LRRC37A2: variants seen among roughly 807,000 people sequenced by gnomAD.
LRRC37A2 encodes the protein leucine rich repeat containing 37 member A2, also known as leucine-rich repeat-containing protein 37A2.
A neutral mutation model predicts 68.8 loss-of-function variants in LRRC37A2; 9 were observed. That is an observed-to-expected ratio of 0.13 (90% CI 0.08 to 0.23). The LOEUF (loss-of-function observed/expected upper bound fraction) is 0.23. Ranked by LOEUF, LRRC37A2 falls within the 10% of genes least tolerant of loss-of-function variation. The pLI is 1.00. For missense variants in LRRC37A2, 168 were observed against 950.4 expected (o/e 0.18, Z 10.82); for synonymous variants, 63 against 367.6 (o/e 0.17, Z 9.48).
At chr17:46,553,186 G>C (rs2056974376) in intron 11 of LRRC37A2, 1 of 821,676 alleles carries the variant, frequency 1.2e-6, no homozygotes, top group Admixed American at 6.5e-5. Context: ...GTATGGTGTG[G>C]GGGCGGTATC....
the LRRC37A2 span, chr17:46,949,133 T>C: frequency 6.6e-6 from 1 of 152,208 alleles, no homozygotes; most frequent in Non-Finnish European, 1.5e-5. Context: ...GTGGCTGGGA[T>C]AGCTGTCTCT....
At chr17:46,861,628 C>T in the LRRC37A2 span, among the ~76,000 whole-genome samples, 1 of 152,216 alleles carries the variant, frequency 6.6e-6, no homozygotes, top group East Asian at 1.9e-4. Flanking sequence ...ATGCTGGTAG[C>T]AGCAGACATG....
At chr17:46,821,405 G>GC in the LRRC37A2 span, among the ~76,000 whole-genome samples, 2 of 152,190 alleles carry the variant, frequency 1.3e-5, no homozygotes, top group East Asian at 3.9e-4. Context: ...CCCTTGCGCT[G>GC]CCGCGGGTGG....
the LRRC37A2 span, chr17:46,876,395 G>T: frequency 2.5e-6 from 4 of 1,613,924 alleles, no homozygotes; most frequent in Non-Finnish European, 2.5e-6. Context: ...GGTGTCCAGT[G>T]CCACCAATGA....
At chr17:46,978,689 G>A in the LRRC37A2 span, 3 of 1,610,922 alleles carry the variant, frequency 1.9e-6, no homozygotes, top group Admixed American at 1.7e-5. Flanking sequence ...TTGGAGGGCC[G>A]GCGCTCCTGC....
chr17:46,569,320 T>C, the LRRC37A2 span, among the ~76,000 whole-genome samples: 2 of 149,810 alleles, frequency 1.3e-5, no homozygotes, highest in Non-Finnish European at 3.0e-5. Context: ...TATTATTAAT[T>C]TTGGAGATGT....
chr17:46,728,899 G>A, the LRRC37A2 span: 7 of 1,607,874 alleles, frequency 4.4e-6, no homozygotes, highest in Non-Finnish European at 5.9e-6. Flanking sequence ...TGTATTACAG[G>A]CTCTTCTCGT....
the LRRC37A2 span, among the ~76,000 whole-genome samples, chr17:46,745,385 G>T: frequency 6.6e-6 from 1 of 152,194 alleles, no homozygotes; most frequent in Non-Finnish European, 1.5e-5. Flanking sequence ...ACTTGCCTGG[G>T]TCATGACCTC....
At chr17:46,679,004 A>G in the LRRC37A2 span, among the ~76,000 whole-genome samples, 3 of 151,722 alleles carry the variant, frequency 2.0e-5, no homozygotes, top group Non-Finnish European at 2.9e-5. Context: ...CAAATAAATT[A>G]TTGAGCAAAA....
At chr17:46,768,426 G>A in the LRRC37A2 span, 8 of 1,613,740 alleles carry the variant, frequency 5.0e-6, no homozygotes, top group East Asian at 2.2e-5. This position sits in a 1 kb window ranked among gnomAD's most constrained non-coding sequence, Gnocchi z 5.0. Context: ...CTCCGTCCTC[G>A]TGTTGTGGCC....
At chr17:46,806,135 C>T in the LRRC37A2 span, among the ~76,000 whole-genome samples, 1 of 151,946 alleles carries the variant, frequency 6.6e-6, no homozygotes, top group African/African-American at 2.4e-5. Flanking sequence ...CACTTGCTTC[C>T]GAGCTCCTTA....
chr17:46,846,461 T>C, the LRRC37A2 span, among the ~76,000 whole-genome samples: 2 of 152,188 alleles, frequency 1.3e-5, no homozygotes, highest in African/African-American at 4.8e-5. Flanking sequence ...GGATGCCTAA[T>C]CTCCCAAACT....
At chr17:47,038,298 C>A in the LRRC37A2 span, among the ~76,000 whole-genome samples, 5 of 152,190 alleles carry the variant, frequency 3.3e-5, no homozygotes, top group African/African-American at 9.6e-5. Flanking sequence ...GAAAACCTGT[C>A]TTGAAAAATG....
the LRRC37A2 span, chr17:46,726,557 T>C: frequency 6.2e-7 from 1 of 1,613,970 alleles, no homozygotes; most frequent in Admixed American, 1.7e-5. Context: ...AGATCTTTGA[T>C]GATGCGTACA....
chr17:46,981,548 T>A, the LRRC37A2 span, among the ~76,000 whole-genome samples: 1 of 152,196 alleles, frequency 6.6e-6, no homozygotes, highest in Non-Finnish European at 1.5e-5. Context: ...TCCTAGACTG[T>A]GAGAAATTAA....
chr17:46,722,832 C>T, the LRRC37A2 span, among the ~76,000 whole-genome samples: 2 of 152,154 alleles, frequency 1.3e-5, no homozygotes, highest in Admixed American at 6.5e-5. Flanking sequence ...GACTGGTTAC[C>T]TGAAACTAGT....
chr17:46,711,247 A>G, the LRRC37A2 span: 1 of 881,778 alleles, frequency 1.1e-6, no homozygotes, highest in Non-Finnish European at 1.6e-6. Context: ...ATCTGAAAAT[A>G]GTAATCCAAT....
chr17:46,932,307 G>T, the LRRC37A2 span: 2 of 1,319,162 alleles, frequency 1.5e-6, no homozygotes. Flanking sequence ...GAAGACTGAT[G>T]ATGAGGAAAC....
the LRRC37A2 span, chr17:46,964,969 A>G: frequency 6.6e-6 from 1 of 152,240 alleles, no homozygotes; most frequent in Non-Finnish European, 1.5e-5. Flanking sequence ...TTCAGAAACA[A>G]TTTAGTTACC....
Sources: gnomAD v4.1 joint callset for allele counts (sites outside exome capture counted in the v4.1 genomes callset) on GRCh38, gnomAD v4.1.1 for gene constraint, Gnocchi (gnomAD v3.1) non-coding constraint, MANE v1.5 for transcripts, NCBI Gene and HGNC (gene_info 2026-07-23, HGNC 2026-07-21) for gene names.